The following MTMR3 variants were observed in gnomAD, a reference collection of about 807,000 sequenced individuals.
The protein encoded by MTMR3 is myotubularin related protein 3.
Under a neutral mutation model 132.4 loss-of-function variants are expected in MTMR3, and 32 were observed. The ratio of observed to expected loss-of-function variants is 0.24; its 90% CI spans 0.18 to 0.32. MTMR3 has a LOEUF of 0.32. Among genes scored for constraint, MTMR3 ranks in the 10% least tolerant of loss-of-function variants. The probability of loss-of-function intolerance (pLI) is 1.00; values close to 1 mark genes in which losing one functional copy is unlikely to be tolerated. For synonymous variants in MTMR3, 556 were observed against 550.3 expected (o/e 1.01, Z -0.14); for missense variants, 1,216 against 1,489.6 (o/e 0.82, Z 3.02).
Position 30,020,217 on chromosome 22 carries a change from A to T in MTMR3, c.2558A>T (p.Lys853Met). ...DSSTDMLVEDKVKSVSGPQGH... is the reference protein window; with the variant it reads ...DSSTDMLVEDMVKSVSGPQGH... ...TCTACAGACATGTTAGTGGAAGATA[A>T]GGTGAAGTCAGTAAGTGGGCCCCAA... The change falls in exon 17 of 20, where the codon AAG becomes ATG. Residue 853 changes from lysine to methionine, a missense_variant. Lys to Met is a moderately conservative substitution (Grantham distance 95). This residue lies in a region of MTMR3 where 852 missense variants were observed against 852.0 expected (regional missense o/e 1.00). Transcript: ENST00000401950. 6.2e-7 allele frequency: 1 copy of T among 1,614,226 alleles called. No individual in the cohort carries two copies. The highest frequency in any genetic ancestry group is 8.5e-7 in the Non-Finnish European group (1 of 1,180,038).
At chr22:29,981,616 C>G (rs1326977745) in intron 5 of MTMR3, 1 of 150,648 alleles carries the variant, frequency 6.6e-6, no homozygotes, top group Non-Finnish European at 1.5e-5. Flanking sequence ...GGCAGTTCAC[C>G]TGAGGTTGTG....
intron 1 of MTMR3, among the ~76,000 whole-genome samples, chr22:29,895,481 C>G (rs2064875928): frequency 6.6e-6 from 1 of 152,160 alleles, no homozygotes; most frequent in Non-Finnish European, 1.5e-5. Context: ...AGCATTTTCC[C>G]TGCAAAAAAT....
At chr22:29,902,470 C>T (rs976604945) in intron 1 of MTMR3, among the ~76,000 whole-genome samples, 2 of 148,138 alleles carry the variant, frequency 1.4e-5, no homozygotes, top group South Asian at 2.1e-4. Flanking sequence ...TGCAGTGGCG[C>T]GATCTCCTGT....
At chr22:29,883,520 C>A (rs1282770950) in intron 1 of MTMR3, among the ~76,000 whole-genome samples, 161 bp downstream of exon 1, 20 of 152,058 alleles carry the variant, frequency 1.3e-4, no homozygotes, top group African/African-American at 4.8e-4. Context: ...GAGGGGCGTC[C>A]CCGGCGGCTG....
intron 7 of MTMR3, 162 bp from the exon 8 acceptor site, chr22:29,998,599 C>T (rs888394628): frequency 2.9e-5 from 10 of 341,198 alleles, no homozygotes; most frequent in African/African-American, 1.7e-4. Flanking sequence ...GCTGAGATCA[C>T]ACCACTGCAC....
intron 1 of MTMR3, among the ~76,000 whole-genome samples, chr22:29,927,934 C>T (rs143952543): frequency 4.0e-5 from 5 of 125,708 alleles, no homozygotes; most frequent in African/African-American, 1.4e-4. Context: ...AAATCTCTAG[C>T]CTTTGTTTTT....
intron 8 of MTMR3, chr22:30,000,639 G>A (rs1309060866): frequency 1.3e-5 from 2 of 152,132 alleles, no homozygotes; most frequent in African/African-American, 4.8e-5. Context: ...GCTATACACA[G>A]TTCTTAATGT....
At position 29,978,933 on chromosome 22, in the gene MTMR3, A is replaced by G. The variant is rs1399164875; in HGVS notation, c.94-3A>G. ...ACTCTGAAGGGTTTCTTTCATTTCG[A>G]AGGTTCCTTTCCTTGAACTTCATGG... On this transcript the variant is annotated splice_region_variant and splice_polypyrimidine_tract_variant and intron_variant, in intron 4 of 19. Coordinates refer to ENST00000401950, the MANE Select transcript of MTMR3 (RefSeq NM_021090.4). 1 of 1,606,302 alleles carries G rather than the reference A, an allele frequency of 6.2e-7. No individual in the cohort carries two copies. The highest frequency in any genetic ancestry group is 8.5e-7 in the Non-Finnish European group (1 of 1,174,160).
intron 19 of MTMR3, chr22:30,022,984 T>C: frequency 2.2e-6 from 1 of 464,516 alleles, no homozygotes; most frequent in East Asian, 3.8e-5. Context: ...TTTCTTATTC[T>C]CAGCATAACA....
At chr22:29,921,746 C>A (rs547351467) in intron 1 of MTMR3, among the ~76,000 whole-genome samples, 22 of 152,136 alleles carry the variant, frequency 1.4e-4, no homozygotes, top group African/African-American at 5.1e-4. Flanking sequence ...ATTTAACTAC[C>A]GTACATACCT....
At chr22:29,902,228 A>G (rs929835711) in intron 1 of MTMR3, among the ~76,000 whole-genome samples, 26 of 152,154 alleles carry the variant, frequency 1.7e-4, no homozygotes, top group Non-Finnish European at 5.9e-5. Flanking sequence ...ACTGTAAGTC[A>G]TTAGAATTTT....
intron 1 of MTMR3, among the ~76,000 whole-genome samples, chr22:29,930,603 G>T (rs1031421409): frequency 6.6e-6 from 1 of 152,160 alleles, no homozygotes; most frequent in African/African-American, 2.4e-5. Flanking sequence ...GAGGCGGGAG[G>T]ATAACTTGAG....
At chr22:29,888,768 C>CTTTTTTTTTTTT (rs3049983) in intron 1 of MTMR3, among the ~76,000 whole-genome samples, 1 of 101,880 alleles carries the variant, frequency 9.8e-6, no homozygotes, top group Admixed American at 1.2e-4. Context: ...TTAGTTAATA[C>CTTTTTTTTTTTT]TTTTTTTTTT....
intron 1 of MTMR3, among the ~76,000 whole-genome samples, chr22:29,885,089 A>G (rs989733458): frequency 2.6e-5 from 4 of 152,156 alleles, no homozygotes; most frequent in African/African-American, 4.8e-5. Flanking sequence ...CTCATAGGCC[A>G]GGTTCTTCAG....
chr22:30,010,149 T>C (rs2067376789), intron 12 of MTMR3: 1 of 152,160 alleles, frequency 6.6e-6, no homozygotes, highest in Non-Finnish European at 1.5e-5. Flanking sequence ...TAGCAGCGCT[T>C]TCTTCCCTAG....
chr22:29,994,037 T>C (rs750865735), intron 7 of MTMR3: 37 of 837,052 alleles, frequency 4.4e-5, no homozygotes, highest in Non-Finnish European at 5.3e-5. Context: ...ACATTCATGC[T>C]CTTCCTGCCC....
intron 1 of MTMR3, among the ~76,000 whole-genome samples, chr22:29,948,724 A>C (rs1366101768): frequency 6.6e-6 from 1 of 152,102 alleles, no homozygotes; most frequent in Admixed American, 6.6e-5. Flanking sequence ...ATATTAGAAT[A>C]AGCAGTGTAA....
At chr22:29,978,354 T>C in intron 3 of MTMR3, 88 bp from the exon 4 acceptor site, 1 of 957,352 alleles carries the variant, frequency 1.0e-6, no homozygotes, top group Non-Finnish European at 1.6e-6. Flanking sequence ...TGTACTTTCA[T>C]TGTGATTATG....
chr22:29,891,973 T>C (rs2064808308), intron 1 of MTMR3, among the ~76,000 whole-genome samples: 1 of 151,842 alleles, frequency 6.6e-6, no homozygotes, highest in Non-Finnish European at 1.5e-5. Context: ...GCTAACACCG[T>C]GAAACCCGCC....
Sources: allele counts gnomAD v4.1 joint callset (sites outside exome capture counted in the v4.1 genomes callset), GRCh38; gene constraint gnomAD v4.1.1; regional missense constraint gnomAD v4.1.1; transcripts MANE v1.5; gene names NCBI Gene and HGNC (gene_info 2026-07-23, HGNC 2026-07-21).